The following IFT140 variants were observed in gnomAD, a reference collection of about 807,000 sequenced individuals.
IFT140 encodes intraflagellar transport protein 140 homolog.
Under a neutral mutation model 164.6 loss-of-function variants are expected in IFT140, and 133 were observed. The ratio of observed to expected loss-of-function variants is 0.81; its 90% confidence interval spans 0.70 to 0.93. The LOEUF (loss-of-function observed/expected upper bound fraction) is 0.93. IFT140 is among the 40% of genes least tolerant of loss of function. IFT140 has a pLI of 0.00. For missense variants in IFT140, 2,045 were observed against 1,972.3 expected, an observed-to-expected ratio of 1.04 and a Z score of -0.70; for synonymous variants, 860 against 817.3, an observed-to-expected ratio of 1.05 and a Z score of -0.89.
At position 1,510,994 on chromosome 16, in the gene IFT140, C is replaced by T. The variant is rs755962676; in HGVS notation, c.4339G>A (p.Ala1447Thr). The T allele has an allele frequency of 9.3e-6, 15 of 1,611,284 alleles. No homozygotes were observed. The East Asian group carries it at 1.3e-4, about 14-fold the overall frequency. Residue 1447 changes from alanine to threonine, a missense_variant, in exon 31 of 31, where the codon GCC becomes ACC. Coordinates refer to ENST00000426508, the MANE Select transcript of IFT140 (RefSeq NM_014714.4). ...EQVRHNSMEDARELDEEVVEE... is the reference protein window; with the variant it reads ...EQVRHNSMEDTRELDEEVVEE... ...ACCACCTCCTCGTCCAGCTCCCTGG[C>T]GTCCTCCATGCTGTTGTGGCGGACC...
chr16:1,598,277 T>C lies in IFT140; in HGVS notation c.369+4093A>G, dbSNP rs189938951. ...ATCAAGACCATCCTGGCTAACACAG[T>C]GAAACCCCGTCTTTACTAAAAATAC... is the stretch of plus-strand genomic sequence containing the variant. On this transcript the variant is annotated intron_variant, in intron 4 of 30. Transcript: ENST00000426508. 2.1e-3 allele frequency among the ~76,000 whole-genome samples: 318 copies of C among 152,136 alleles called. 2 individuals carry two copies. The highest frequency in any genetic ancestry group is 2.6e-3 in the Non-Finnish European group (179 of 67,994).
At chr16:1,536,100 G>A (rs1183676711) in intron 19 of IFT140, among the ~76,000 whole-genome samples, 2 of 152,236 alleles carry the variant, frequency 1.3e-5, no homozygotes, top group African/African-American at 2.4e-5. Context: ...CACCCCCGGG[G>A]GAGGGAGTTC....
chr16:1,597,529 C>A (rs980930185), intron 4 of IFT140, among the ~76,000 whole-genome samples: 4 of 152,212 alleles, frequency 2.6e-5, no homozygotes, highest in Non-Finnish European at 4.4e-5. Context: ...ACAACAGGGT[C>A]TCTGGTGGAA....
chr16:1,559,499 G>C (rs1348148866), intron 18 of IFT140, among the ~76,000 whole-genome samples: 3 of 152,190 alleles, frequency 2.0e-5, no homozygotes, highest in Non-Finnish European at 4.4e-5. Flanking sequence ...TTGAAAATGT[G>C]AACAAGGGCA....
rs150087589 is a variant in IFT140, at chr16:1,551,701, C to T, written c.2399+6234G>A. ...TGTTCACGGAAGAGCCTAAGATCAG[C>T]GGCACTTCAGTCTTCTACGGGGTTT... On this transcript the variant is annotated intron_variant, in intron 19 of 30. Coordinates refer to ENST00000426508, the MANE Select transcript of IFT140 (RefSeq NM_014714.4). This position sits in a 1 kb window ranked among gnomAD's most constrained non-coding sequence, Gnocchi z 4.0. 5.5e-3 allele frequency among the ~76,000 whole-genome samples: 833 copies of T among 152,250 alleles called. 8 individuals carry two copies. The highest frequency in any genetic ancestry group is 0.019 in the African/African-American group (805 of 41,518).
chr16:1,581,968 T>C (rs1045329798), intron 12 of IFT140, among the ~76,000 whole-genome samples: 32 of 151,814 alleles, frequency 2.1e-4, no homozygotes, highest in Admixed American at 1.8e-3. Context: ...GTGATGGATG[T>C]GCCTGAAGAG....
chr16:1,581,743 AGGGGAGG>A (rs1567398915), intron 12 of IFT140, among the ~76,000 whole-genome samples: 1 of 53,192 alleles, frequency 1.9e-5, no homozygotes, highest in Non-Finnish European at 3.5e-5. Context: ...GGAGCGGGGG[AGGGGAGG>A]GGAGCGGGGG....
In IFT140 at chr16:1,564,193, C is replaced by T. The variant is rs745501206; in HGVS notation, c.1902-31G>A. The T allele has an allele frequency of 2.9e-5, 45 of 1,528,208 alleles. No homozygotes were observed. The highest frequency in any genetic ancestry group is 3.8e-5 in the Non-Finnish European group (43 of 1,127,266). 94.7% of individuals were successfully genotyped at this position (1,528,208 alleles called of 1,614,324 possible). On this transcript the variant is annotated intron_variant, in intron 16 of 30. Transcript: ENST00000426508. The surrounding 1 kb of genome is among the most constrained non-coding windows in gnomAD (Gnocchi z 5.5). Reference sequence around the variant, plus strand: ...AGACAAAGGAAGACCCGTTTCAACCCCAGGGCGGGCACTCCTGCTACCAGT... The same window carrying T: ...AGACAAAGGAAGACCCGTTTCAACCTCAGGGCGGGCACTCCTGCTACCAGT...
Position 1,580,847 on chromosome 16 carries a change from G to T in IFT140, c.1436C>A (p.Thr479Asn), listed in dbSNP as rs1382154732. The change falls in exon 13 of 31, where the codon ACC becomes AAC. Residue 479 changes from threonine to asparagine, a missense_variant. Coordinates refer to ENST00000426508, the MANE Select transcript of IFT140 (RefSeq NM_014714.4). The part of the protein sequence containing the change: ...LSGAAIRSAG[T>N]FLCETPVLAM... ...TAACACAGGCGTCTCACACAAGAAG[G>T]TCCCTAAAATGAAAGACGAACATCA... 6.2e-7 allele frequency: 1 copy of T among 1,611,576 alleles called. No individual in the cohort carries two copies. The highest frequency in any genetic ancestry group is 1.3e-5 in the African/African-American group (1 of 74,870).
intron 4 of IFT140, among the ~76,000 whole-genome samples, chr16:1,593,675 G>C (rs138569956): frequency 3.0e-4 from 46 of 152,096 alleles, no homozygotes; most frequent in Non-Finnish European, 5.4e-4. Flanking sequence ...ATTGTTGATA[G>C]TTTTTCTCAT....
Position 1,554,082 on chromosome 16 carries a change from G to A in IFT140, c.2399+3853C>T, listed in dbSNP as rs556249975. ...AAGCATGGAAGGAAAATCTGCCAGG[G>A]AGGAGGGAGGGTCTAGAACGAGAAG... On this transcript the variant is annotated intron_variant, in intron 19 of 30. Transcript: ENST00000426508. 5.2e-5 allele frequency: 67 copies of A among 1,287,144 alleles called. No homozygotes were observed. In the South Asian group the frequency reaches 6.9e-4, roughly 13 times the overall value. The allele number at this position is 1,287,144 out of a possible 1,614,324, so 79.7% of individuals were successfully genotyped here. A position where few individuals can be genotyped will look rare whatever the true frequency, so the allele number is the denominator to read the frequency against.
intron 30 of IFT140, among the ~76,000 whole-genome samples, chr16:1,511,678 A>C (rs1197426877): frequency 1.3e-5 from 2 of 151,972 alleles, no homozygotes; most frequent in South Asian, 2.1e-4. Flanking sequence ...GCGTTTAAGG[A>C]AGGCCTCAGC....
At chr16:1,557,660 A>C (rs1190087414) in intron 19 of IFT140, 2 of 414,736 alleles carry the variant, frequency 4.8e-6, no homozygotes, top group Non-Finnish European at 8.7e-6. Flanking sequence ...TCCCAGAGGG[A>C]TGGGTATTAT....
At chr16:1,539,633 T>C (rs1489618955) in intron 19 of IFT140, among the ~76,000 whole-genome samples, 1 of 152,226 alleles carries the variant, frequency 6.6e-6, no homozygotes, top group Non-Finnish European at 1.5e-5. Context: ...ACTCTGCAGT[T>C]ACTTTGGAGA....
rs949232096 is a variant in IFT140 at position 1,583,351 on chromosome 16, C to T, written c.1395G>A (p.Ala465=). The change falls in exon 12 of 31, where the codon GCG becomes GCA. Residue 465 remains alanine (A), a synonymous_variant. Transcript: ENST00000426508. ...AVAVWNGRQV[A]IFELSGAAIR... is the part of the protein sequence containing the mutation. ...TCGCGGCTCCAGAAAGCTCGAAGAT[C>T]GCCACCTGCCTTCCGTTCCAGACTG... 2.5e-6 allele frequency: 4 copies of T among 1,614,006 alleles called. No homozygotes were observed. The highest frequency in any genetic ancestry group is 2.2e-5 in the South Asian group (2 of 91,090).
At chr16:1,573,544 G>T (rs1256147028) in intron 13 of IFT140, among the ~76,000 whole-genome samples, 1 of 152,070 alleles carries the variant, frequency 6.6e-6, no homozygotes, top group African/African-American at 2.4e-5. Flanking sequence ...CTTGCATCCT[G>T]CCCTGCCCCC....
chr16:1,520,424 CAAG>C, intron 27 of IFT140, 81 bp from the exon 28 acceptor site: 1 of 1,491,658 alleles, frequency 6.7e-7, no homozygotes, highest in South Asian at 1.1e-5. Flanking sequence ...GGAGCTCTCA[CAAG>C]AAGAGTGGCT....
In IFT140 at chr16:1,592,504, G is replaced by A. The variant is rs1403669200; in HGVS notation, c.454C>T (p.Leu152Phe). 3.1e-6 allele frequency: 5 copies of A among 1,614,122 alleles called. No homozygotes were observed. The highest frequency in any genetic ancestry group is 4.2e-6 in the Non-Finnish European group (5 of 1,180,054). The change falls in exon 5 of 31, where the codon CTC becomes TTC. Residue 152 changes from leucine (L) to phenylalanine (F), a missense_variant. Leu to Phe is a conservative substitution (Grantham distance 22). Transcript: ENST00000426508. ...PLLKHEYGKHLTHCIFRLPPP... is the reference protein window; with the variant it reads ...PLLKHEYGKHFTHCIFRLPPP... ...GGGAGCCGGAAGATGCAGTGCGTGA[G>A]GTGTTTCCCATACTCGTGTTTCAGC...
intron 10 of IFT140, among the ~76,000 whole-genome samples, chr16:1,585,585 G>A (rs2034824404): frequency 6.6e-6 from 1 of 152,130 alleles, no homozygotes; most frequent in African/African-American, 2.4e-5. Flanking sequence ...GAGAGAGATG[G>A]AGAGGGAGGG....
Sources: gnomAD v4.1 joint callset for allele counts (sites outside exome capture counted in the v4.1 genomes callset) on GRCh38, gnomAD v4.1.1 for gene constraint, Gnocchi (gnomAD v3.1) non-coding constraint, MANE v1.5 for transcripts, NCBI Gene and HGNC (gene_info 2026-07-23, HGNC 2026-07-21) for gene names.